COL21A1: variants seen among roughly 807,000 people sequenced by gnomAD.
COL21A1 encodes the protein collagen type XXI alpha 1 chain.
Under a neutral mutation model 137.9 loss-of-function variants are expected in COL21A1, and 149 were observed. The ratio of observed to expected loss-of-function variants is 1.08; its 90% CI spans 0.95 to 1.24. COL21A1 has a LOEUF of 1.24. Ranked by LOEUF, COL21A1 falls within the 50% of genes most tolerant of loss-of-function variation. The pLI is 0.00. For missense variants in COL21A1, 1,167 were observed against 1,158.4 expected (o/e 1.01, Z -0.11); for synonymous variants, 456 against 391.5 (o/e 1.16, Z -1.95).
At chr6:56,169,708 A>G (rs1316306981) in intron 5 of COL21A1, among the ~76,000 whole-genome samples, 1 of 151,938 alleles carries the variant, frequency 6.6e-6, no homozygotes, top group Non-Finnish European at 1.5e-5. Context: ...AAATTATTTC[A>G]TTTATGCAGA....
chr6:56,268,846 G>A (rs980268079), intron 1 of COL21A1, among the ~76,000 whole-genome samples: 18 of 152,176 alleles, frequency 1.2e-4, no homozygotes, highest in Admixed American at 1.1e-3. Flanking sequence ...TGAGATGCAG[G>A]AGAAAGTTGA....
rs180817319 is a variant in COL21A1 at position 56,079,791 on chromosome 6, T to C, written c.1813-2218A>G. 1.4e-3 allele frequency among the ~76,000 whole-genome samples: 205 copies of C among 151,852 alleles called. 1 individual carries two copies. Among genetic ancestry groups the C allele is most frequent in the Non-Finnish European group, 1.4e-3 (94 of 67,804 alleles). On this transcript the variant is annotated intron_variant, in intron 17 of 29. Coordinates refer to ENST00000244728, the MANE Select transcript of COL21A1 (RefSeq NM_030820.4). ...TACATTTCATAGATATGTATGTCCATGAAGTCCTAATGGATCTTCTATGTC... is the reference window on the plus strand; with the variant it reads ...TACATTTCATAGATATGTATGTCCACGAAGTCCTAATGGATCTTCTATGTC...
chr6:56,216,067 A>T (rs1780463221), intron 1 of COL21A1, among the ~76,000 whole-genome samples: 1 of 152,178 alleles, frequency 6.6e-6, no homozygotes, highest in African/African-American at 2.4e-5. Context: ...CACTGGTAAG[A>T]CATTTAGTTT....
chr6:56,346,928 A>G (rs538414186), intron 1 of COL21A1, among the ~76,000 whole-genome samples: 1 of 152,142 alleles, frequency 6.6e-6, no homozygotes, highest in Non-Finnish European at 1.5e-5. Context: ...CTTGGGTGTC[A>G]TGATGTCACT....
At chr6:56,388,839 G>C (rs1263818734) in intron 1 of COL21A1, among the ~76,000 whole-genome samples, 1 of 152,146 alleles carries the variant, frequency 6.6e-6, no homozygotes, top group Non-Finnish European at 1.5e-5. Context: ...TGACCTTTCA[G>C]ACAGAATTCA....
chr6:56,066,491 C>G (rs957324815), intron 23 of COL21A1, among the ~76,000 whole-genome samples: 1 of 151,882 alleles, frequency 6.6e-6, no homozygotes, highest in African/African-American at 2.4e-5. Context: ...AGCTCAGACA[C>G]TATCACTGAG....
chr6:56,280,459 T>C (rs1763763910), intron 1 of COL21A1, among the ~76,000 whole-genome samples: 1 of 152,170 alleles, frequency 6.6e-6, no homozygotes, highest in Non-Finnish European at 1.5e-5. Flanking sequence ...AGCCAAGCAC[T>C]GACCTGGCCC....
intron 1 of COL21A1, among the ~76,000 whole-genome samples, chr6:56,276,069 C>A (rs1763640972): frequency 1.3e-5 from 2 of 152,096 alleles, no homozygotes; most frequent in East Asian, 3.8e-4. Flanking sequence ...TCCTTTCCAG[C>A]AACATGGAGG....
intron 1 of COL21A1, among the ~76,000 whole-genome samples, chr6:56,360,929 G>A (rs1455349708): frequency 1.1e-4 from 16 of 152,056 alleles, no homozygotes; most frequent in Non-Finnish European, 1.9e-4. Context: ...GGGAAACTCC[G>A]TCTCTACTAA....
chr6:56,270,751 G>C (rs2152332378), intron 1 of COL21A1, among the ~76,000 whole-genome samples: 1 of 152,226 alleles, frequency 6.6e-6, no homozygotes, highest in Middle Eastern at 3.4e-3. Flanking sequence ...GATAGTGAAG[G>C]AGTTCTCATG....
intron 17 of COL21A1, among the ~76,000 whole-genome samples, chr6:56,096,902 T>C (rs763571338): frequency 6.6e-6 from 1 of 152,212 alleles, no homozygotes; most frequent in Non-Finnish European, 1.5e-5. Context: ...TTTATTTCTT[T>C]GTGTCACAAA....
intron 17 of COL21A1, among the ~76,000 whole-genome samples, chr6:56,097,912 T>TATATATAAATATATAA (rs1322799939): frequency 5.4e-5 from 2 of 37,178 alleles, no homozygotes; most frequent in African/African-American, 8.5e-5. Context: ...AATATATAAA[T>TATATATAAATATATAA]ATATATAAAT....
At chr6:56,386,387 G>C (rs2094018291) in intron 1 of COL21A1, among the ~76,000 whole-genome samples, 1 of 152,158 alleles carries the variant, frequency 6.6e-6, no homozygotes, top group South Asian at 2.1e-4. Context: ...TAGTGTTTGG[G>C]TGCCTTCTTT....
chr6:56,161,252 A>G (rs2152264676), intron 9 of COL21A1, among the ~76,000 whole-genome samples: 1 of 152,330 alleles, frequency 6.6e-6, no homozygotes, highest in Non-Finnish European at 1.5e-5. Flanking sequence ...TCCTAACCTA[A>G]AAAAGACAAA....
chr6:56,258,360 C>T (rs1464088994), intron 1 of COL21A1, among the ~76,000 whole-genome samples: 1 of 152,126 alleles, frequency 6.6e-6, no homozygotes, highest in African/African-American at 2.4e-5. Flanking sequence ...AGCTACTTAG[C>T]AAATGCATGC....
rs539952700 is a variant in COL21A1, at chr6:56,141,481, T to C, written c.1542+304A>G. Among the ~76,000 whole-genome samples, 11 of 152,290 alleles carry C rather than the reference T, an allele frequency of 7.2e-5. No homozygotes were observed. The East Asian group carries it at 2.1e-3, about 29-fold the overall frequency. The stretch of plus-strand genomic sequence containing the variant: ...CTATCTGAGGTTAACATGGTAACAC[T>C]TTCCTTTCACATAACCCACTCCCCT... On this transcript the variant is annotated intron_variant, in intron 12 of 29. Transcript: ENST00000244728.
chr6:56,367,449 T>C (rs1022559026), intron 1 of COL21A1, among the ~76,000 whole-genome samples: 11 of 152,136 alleles, frequency 7.2e-5, no homozygotes, highest in Non-Finnish European at 2.9e-5. Flanking sequence ...TAGAAAAAAT[T>C]TCCTCCCTCT....
At chr6:56,323,198 A>T (rs563204617) in intron 1 of COL21A1, among the ~76,000 whole-genome samples, 3 of 152,324 alleles carry the variant, frequency 2.0e-5, no homozygotes, top group Admixed American at 6.5e-5. Flanking sequence ...AAAATTCTCA[A>T]GTATTTTTAA....
intron 1 of COL21A1, among the ~76,000 whole-genome samples, chr6:56,192,577 T>C (rs1444603722): frequency 6.6e-6 from 1 of 151,842 alleles, no homozygotes; most frequent in Non-Finnish European, 1.5e-5. Flanking sequence ...CCAACAAGCA[T>C]ATGAAAAAAG....
Sources: allele counts gnomAD v4.1 joint callset (sites outside exome capture counted in the v4.1 genomes callset), GRCh38; gene constraint gnomAD v4.1.1; transcripts MANE v1.5; gene names NCBI Gene and HGNC (gene_info 2026-07-23, HGNC 2026-07-21).